Variants in SMYD3 observed in about 807,000 individuals in gnomAD.
The protein encoded by SMYD3 is SET and MYND domain containing 3, also known as histone-lysine N-methyltransferase SMYD3.
Under a neutral mutation model 57.7 loss-of-function variants are expected in SMYD3, and 36 were observed. The ratio of observed to expected loss-of-function variants is 0.62; its 90% CI spans 0.48 to 0.82. SMYD3 has a LOEUF of 0.82. Among genes scored for constraint, SMYD3 ranks in the 40% least tolerant of loss-of-function variants. The pLI, the probability that SMYD3 is intolerant of heterozygous loss-of-function variation, is 0.00. For synonymous variants in SMYD3, 211 were observed against 195.0 expected (o/e 1.08, Z -0.68); for missense variants, 515 against 538.8 (o/e 0.96, Z 0.44).
At chr1:246,201,779 G>A (rs1010049168) in intron 5 of SMYD3, among the ~76,000 whole-genome samples, 2 of 152,140 alleles carry the variant, frequency 1.3e-5, no homozygotes, top group African/African-American at 4.8e-5. Context: ...TTGGGAGGCC[G>A]AGGCAAGTGG....
chr1:245,785,189 A>AT (rs1372602750), intron 10 of SMYD3, among the ~76,000 whole-genome samples: 1 of 151,888 alleles, frequency 6.6e-6, no homozygotes, highest in Non-Finnish European at 1.5e-5. Context: ...GCCAGACTCA[A>AT]TTTTTTGATG....
At chr1:246,369,609 C>A (rs2066161840) in intron 1 of SMYD3, among the ~76,000 whole-genome samples, 1 of 152,162 alleles carries the variant, frequency 6.6e-6, no homozygotes, top group Non-Finnish European at 1.5e-5. Context: ...TCACTGAAGC[C>A]TCTACCTCCC....
chr1:245,795,571 T>A (rs948848734), intron 10 of SMYD3, among the ~76,000 whole-genome samples: 24 of 152,236 alleles, frequency 1.6e-4, no homozygotes, highest in African/African-American at 5.8e-4. Context: ...TATATCTTTT[T>A]AATTTCCCAT....
intron 4 of SMYD3, among the ~76,000 whole-genome samples, chr1:246,329,855 G>C (rs1384737131): frequency 6.6e-6 from 1 of 152,126 alleles, no homozygotes; most frequent in Non-Finnish European, 1.5e-5. Flanking sequence ...CAAATTTACT[G>C]TATGTGCCCT....
intron 1 of SMYD3, among the ~76,000 whole-genome samples, chr1:246,394,711 C>G (rs956137514): frequency 2.6e-5 from 4 of 151,122 alleles, no homozygotes; most frequent in African/African-American, 9.7e-5. Flanking sequence ...AAGAGAGGCT[C>G]CCGAACCTAG....
intron 5 of SMYD3, among the ~76,000 whole-genome samples, chr1:246,194,699 A>AT (rs555557445): frequency 1.2e-3 from 189 of 152,344 alleles, no homozygotes; most frequent in Non-Finnish European, 2.1e-3. Context: ...TTAAAATTAA[A>AT]TTTGAAATTC....
At chr1:246,469,309 A>G (rs1310180366) in intron 1 of SMYD3, among the ~76,000 whole-genome samples, 1 of 152,234 alleles carries the variant, frequency 6.6e-6, no homozygotes, top group East Asian at 1.9e-4. Flanking sequence ...AAAAAGGCCC[A>G]AACTTATTAT....
At chr1:245,843,538 ATATGTGTGTGTGTGTG>A (rs1027616205) in intron 10 of SMYD3, among the ~76,000 whole-genome samples, 7 of 74,802 alleles carry the variant, frequency 9.4e-5, no homozygotes, top group South Asian at 1.2e-3. Context: ...GTGTATATAT[ATATGTGTGTGTGTGTG>A]TGTGTGTGTG....
At chr1:245,851,719 G>T (rs1276113676) in intron 10 of SMYD3, among the ~76,000 whole-genome samples, 2 of 152,180 alleles carry the variant, frequency 1.3e-5, no homozygotes, top group African/African-American at 4.8e-5. Flanking sequence ...AGTGGCTGTG[G>T]ACTATATCTA....
rs1317219211 is a variant in SMYD3, at chr1:246,002,322, C to T, written c.532-72385G>A. Among the ~76,000 whole-genome samples, 10 of 72,956 alleles carry T rather than the reference C, an allele frequency of 1.4e-4. 2 individuals are homozygous for T. Among genetic ancestry groups the T allele is most frequent in the East Asian group, 3.2e-4 (1 of 3,166 alleles). The allele number at this position is 72,956 out of a possible 152,430, so 47.9% of individuals were successfully genotyped here. A position where few individuals can be genotyped will look rare whatever the true frequency, so the allele number is the denominator to read the frequency against. On this transcript the variant is annotated intron_variant, in intron 5 of 11. Transcript: ENST00000490107. ...GCCTCAGCCTCCCGAGTAGCTGGGA[C>T]TGCAGGCTCCCGCCACCACGCCCGG...
intron 1 of SMYD3, among the ~76,000 whole-genome samples, chr1:246,430,743 G>A (rs2067285377): frequency 6.6e-6 from 1 of 152,136 alleles, no homozygotes; most frequent in Non-Finnish European, 1.5e-5. Context: ...GATAACTGAA[G>A]TTATGAAATA....
chr1:246,081,815 T>C (rs2060641975), intron 5 of SMYD3, among the ~76,000 whole-genome samples: 1 of 152,224 alleles, frequency 6.6e-6, no homozygotes, highest in Non-Finnish European at 1.5e-5. Context: ...TCCTGGCACT[T>C]TGGGATGCCA....
Position 246,327,216 on chromosome 1 carries a change from A to C in SMYD3, c.516T>G (p.Phe172Leu). Residue 172 changes from phenylalanine (F) to leucine (L), a missense_variant, in exon 5 of 12, where the codon TTT becomes TTG. By Grantham distance (22) the Phe-to-Leu change is conservative. Coordinates refer to ENST00000490107, the MANE Select transcript of SMYD3 (RefSeq NM_001167740.2). Reference sequence around the variant, plus strand: ...TAACACTTACTTTTGCAAAGGCTTCAAAAAGGTCAAAGGCAGGTGGCAGCT... The same window carrying C: ...TAACACTTACTTTTGCAAAGGCTTCCAAAAGGTCAAAGGCAGGTGGCAGCT... ...ASQLPPAFDL[F>L]EAFAKVICNS... 6.2e-7 allele frequency: 1 copy of C among 1,614,128 alleles called. No homozygotes were observed. Among genetic ancestry groups the C allele is most frequent in the Non-Finnish European group, 8.5e-7 (1 of 1,180,010 alleles).
chr1:246,280,860 C>T (rs1343360353), intron 5 of SMYD3, among the ~76,000 whole-genome samples: 1 of 152,172 alleles, frequency 6.6e-6, no homozygotes, highest in Non-Finnish European at 1.5e-5. Flanking sequence ...CAGGCTGCCA[C>T]CTCAAAAACA....
chr1:245,890,610 G>A (rs9729295), intron 8 of SMYD3, among the ~76,000 whole-genome samples: 8,019 of 152,198 alleles, frequency 0.053, 695 homozygotes, highest in African/African-American at 0.18. Context: ...GGGAACCCTC[G>A]CACACTATTG....
chr1:246,466,763 A>T (rs1035815219), intron 1 of SMYD3, among the ~76,000 whole-genome samples: 4 of 152,188 alleles, frequency 2.6e-5, no homozygotes, highest in African/African-American at 9.7e-5. Flanking sequence ...GGGGAGGATC[A>T]CTTGAGCCCG....
intron 7 of SMYD3, among the ~76,000 whole-genome samples, chr1:245,916,188 A>C (rs1357812455): frequency 6.6e-6 from 1 of 152,192 alleles, no homozygotes; most frequent in African/African-American, 2.4e-5. Context: ...ATAATTTCCA[A>C]ATAGGGGAGA....
intron 5 of SMYD3, among the ~76,000 whole-genome samples, chr1:245,981,765 T>A (rs1307694923): frequency 6.6e-6 from 1 of 152,240 alleles, no homozygotes; most frequent in Admixed American, 6.5e-5. Context: ...AATAAAGTTG[T>A]TTATGGTTAG....
chr1:246,507,006 A>ACCCC, intron 1 of SMYD3, 48 bp downstream of exon 1: 1 of 989,830 alleles, frequency 1.0e-6, no homozygotes, highest in Non-Finnish European at 1.3e-6. Context: ...CCTCCCCAGC[A>ACCCC]CCCCACACAG....
Sources: allele counts gnomAD v4.1 joint callset (sites outside exome capture counted in the v4.1 genomes callset), GRCh38; gene constraint gnomAD v4.1.1; transcripts MANE v1.5; gene names NCBI Gene and HGNC (gene_info 2026-07-23, HGNC 2026-07-21).